Variants in KLF12 observed in about 807,000 individuals in gnomAD.
The protein encoded by KLF12 is Krueppel-like factor 12.
In KLF12, 9 loss-of-function variants were observed where a neutral mutation model predicts 37.8. The observed-to-expected ratio is 0.24, with a 90% confidence interval of 0.14 to 0.42. The LOEUF (loss-of-function observed/expected upper bound fraction) is 0.42, where lower values mean the gene tolerates loss of function less well. KLF12 is among the 10% of genes least tolerant of loss of function. The probability of loss-of-function intolerance (pLI) is 1.00; values close to 1 mark genes in which losing one functional copy is unlikely to be tolerated. For synonymous variants in KLF12, 208 were observed against 202.1 expected (o/e 1.03, Z -0.25); for missense variants, 411 against 516.0 (o/e 0.80, Z 1.97).
the KLF12 span, among the ~76,000 whole-genome samples, chr13:74,192,717 C>T: frequency 2.6e-5 from 4 of 152,322 alleles, no homozygotes; most frequent in East Asian, 7.7e-4. Context: ...AAAGAGGAGG[C>T]ACAAGTAGAA....
the KLF12 span, among the ~76,000 whole-genome samples, chr13:74,139,550 C>T: frequency 0.24 from 36,239 of 152,086 alleles, 5,999 homozygotes; most frequent in African/African-American, 0.47. Context: ...CTCAAGCAAC[C>T]TTCTTCTAAG....
At chr13:73,719,391 G>A (rs1458580369) in intron 6 of KLF12, among the ~76,000 whole-genome samples, 2 of 147,342 alleles carry the variant, frequency 1.4e-5, no homozygotes, top group South Asian at 2.2e-4. Context: ...AAGTAATTTT[G>A]TATTTCCAGA....
intron 1 of KLF12, among the ~76,000 whole-genome samples, chr13:74,074,267 G>A (rs961405346): frequency 2.6e-5 from 4 of 152,116 alleles, no homozygotes; most frequent in Admixed American, 2.6e-4. Context: ...CAACTCTAGG[G>A]AAGTACAGGA....
intron 1 of KLF12, among the ~76,000 whole-genome samples, chr13:74,092,071 C>T (rs1187060157): frequency 4.0e-5 from 6 of 151,078 alleles, no homozygotes; most frequent in East Asian, 3.9e-4. Flanking sequence ...GGGCAGATCA[C>T]GAGGTCAAGA....
chr13:73,849,375 T>TCA lies in KLF12; in HGVS notation c.124-3003_124-3002insTG, dbSNP rs1255438161. Among the ~76,000 whole-genome samples the TCA allele has an allele frequency of 7.1e-5, 7 of 98,962 alleles. 2 individuals carry two copies. The highest frequency in any genetic ancestry group is 9.6e-5 in the African/African-American group (2 of 20,790). 64.9% of individuals were successfully genotyped at this position (98,962 alleles called of 152,430 possible). A position where few individuals can be genotyped will look rare whatever the true frequency, so the allele number is the denominator to read the frequency against. ...GCTTGGGCAACAGAGGGAGACTCCA[T>TCA]AAAAAAAAAAAAAAAAAAAAAAAAA... On this transcript the variant is annotated intron_variant, in intron 3 of 7. Coordinates refer to ENST00000377669, the MANE Select transcript of KLF12 (RefSeq NM_007249.5).
At chr13:73,928,943 T>C (rs760666872) in intron 3 of KLF12, among the ~76,000 whole-genome samples, 11 of 152,202 alleles carry the variant, frequency 7.2e-5, no homozygotes, top group East Asian at 1.9e-4. Flanking sequence ...GACATTCTTA[T>C]TGAAAATTCA....
intron 1 of KLF12, among the ~76,000 whole-genome samples, chr13:74,117,180 A>G (rs1877355624): frequency 6.6e-6 from 1 of 152,188 alleles, no homozygotes; most frequent in Non-Finnish European, 1.5e-5. Context: ...CTCAGCACCC[A>G]GTCCATGGTT....
intron 1 of KLF12, among the ~76,000 whole-genome samples, chr13:74,042,871 A>G (rs553905756): frequency 6.6e-6 from 1 of 152,324 alleles, no homozygotes; most frequent in South Asian, 2.1e-4. Context: ...GTGAATCTCT[A>G]TGGGCAAGAA....
At chr13:74,235,129 A>G in the KLF12 span, among the ~76,000 whole-genome samples, 1 of 152,206 alleles carries the variant, frequency 6.6e-6, no homozygotes, top group African/African-American at 2.4e-5. Flanking sequence ...AGATGTATCC[A>G]GAGGTTTGAG....
intron 2 of KLF12, among the ~76,000 whole-genome samples, chr13:73,984,385 T>C (rs573855674): frequency 6.6e-6 from 1 of 152,296 alleles, no homozygotes; most frequent in African/African-American, 2.4e-5. Context: ...TCCACGGGAT[T>C]GCCTTCATCT....
chr13:74,237,401 C>A, the KLF12 span, among the ~76,000 whole-genome samples: 7 of 144,002 alleles, frequency 4.9e-5, no homozygotes, highest in African/African-American at 2.0e-4. Context: ...GTTCTTTTGG[C>A]TCAGGATTGA....
intron 1 of KLF12, among the ~76,000 whole-genome samples, chr13:74,006,991 TAC>T (rs1489796886): frequency 1.3e-5 from 2 of 152,204 alleles, no homozygotes; most frequent in Non-Finnish European, 2.9e-5. Flanking sequence ...CGTCTCAATT[TAC>T]ATTTACTTTC....
intron 1 of KLF12, among the ~76,000 whole-genome samples, chr13:74,020,243 T>C (rs1787787068): frequency 1.3e-5 from 2 of 152,166 alleles, no homozygotes; most frequent in Admixed American, 1.3e-4. Flanking sequence ...AACCAAAGCA[T>C]CTTAGAAAAA....
intron 4 of KLF12, among the ~76,000 whole-genome samples, chr13:73,819,104 G>C (rs1248096851): frequency 6.6e-6 from 1 of 152,156 alleles, no homozygotes; most frequent in Non-Finnish European, 1.5e-5. Flanking sequence ...CAGAAAAGGA[G>C]GGTCAGGAAG....
chr13:74,007,809 CA>C (rs986865369), intron 1 of KLF12, among the ~76,000 whole-genome samples: 1 of 148,640 alleles, frequency 6.7e-6, no homozygotes, highest in African/African-American at 2.5e-5. Flanking sequence ...TATACCAAAA[CA>C]AAAAACATTT....
chr13:73,907,667 T>TA (rs1888367476), intron 3 of KLF12, among the ~76,000 whole-genome samples: 1 of 152,246 alleles, frequency 6.6e-6, no homozygotes, highest in Non-Finnish European at 1.5e-5. Flanking sequence ...ATCCAGGTGT[T>TA]AGATGGCACA....
At chr13:74,203,535 C>CA in the KLF12 span, among the ~76,000 whole-genome samples, 2 of 151,396 alleles carry the variant, frequency 1.3e-5, no homozygotes, top group African/African-American at 4.9e-5. Context: ...TAGGATAAGG[C>CA]AAAAAAAGGT....
intron 2 of KLF12, among the ~76,000 whole-genome samples, chr13:73,978,046 A>G (rs1891585380): frequency 6.6e-6 from 1 of 152,222 alleles, no homozygotes; most frequent in Admixed American, 6.5e-5. Flanking sequence ...GAAAATCTAG[A>G]TGATCCTCAG....
intron 1 of KLF12, among the ~76,000 whole-genome samples, chr13:74,100,072 C>T (rs189662015): frequency 3.0e-4 from 45 of 152,098 alleles, no homozygotes; most frequent in Admixed American, 4.6e-4. Flanking sequence ...CATGGAGGCA[C>T]GCTGGCAGCT....
Sources: allele counts gnomAD v4.1 joint callset (sites outside exome capture counted in the v4.1 genomes callset), GRCh38; gene constraint gnomAD v4.1.1; transcripts MANE v1.5; gene names NCBI Gene and HGNC (gene_info 2026-07-23, HGNC 2026-07-21).